RNF152: variants seen among roughly 807,000 people sequenced by gnomAD.
The protein encoded by RNF152 is E3 ubiquitin-protein ligase RNF152.
RNF152 carries 11 observed loss-of-function variants against 12.7 expected under a neutral mutation model. The ratio of observed to expected loss-of-function variants is 0.86; its 90% CI spans 0.54 to 1.43. The LOEUF (loss-of-function observed/expected upper bound fraction) is 1.43. Among genes scored for constraint, RNF152 ranks in the 40% most tolerant of loss-of-function variants. RNF152 has a pLI of 0.00. For synonymous variants in RNF152, 113 were observed against 120.3 expected (o/e 0.94, Z 0.40); for missense variants, 255 against 274.8 (o/e 0.93, Z 0.51).
chr18:61,854,432 C>T (rs1911126574), intron 1 of RNF152, among the ~76,000 whole-genome samples: 2 of 152,148 alleles, frequency 1.3e-5, no homozygotes, highest in South Asian at 4.1e-4. Context: ...TTAAAGGAAA[C>T]GCACAATAGG....
At chr18:61,855,172 AAG>A (rs1028619958) in intron 1 of RNF152, among the ~76,000 whole-genome samples, 12 of 152,388 alleles carry the variant, frequency 7.9e-5, no homozygotes, top group African/African-American at 2.6e-4. Context: ...GTATCTAAGA[AAG>A]AGTCAATTGT....
intron 1 of RNF152, among the ~76,000 whole-genome samples, chr18:61,847,452 C>G (rs757076949): frequency 2.0e-5 from 3 of 152,174 alleles, no homozygotes; most frequent in Non-Finnish European, 2.9e-5. Context: ...GAAAAAATTC[C>G]CGCAAGTGTC....
At position 61,814,415 on chromosome 18, in the gene RNF152, A is replaced by G. The variant is rs1908964515; in HGVS notation, c.*1437T>C. ...TACCACTTGCTTCATGAATTCCATA[A>G]AAGAAGTTAGATGAGAGCTGTAAAG... On this transcript the variant is annotated 3_prime_UTR_variant, in exon 2 of 2. Coordinates refer to ENST00000312828, the MANE Select transcript of RNF152 (RefSeq NM_173557.3). 1.3e-5 allele frequency: 2 copies of G among 152,232 alleles called. No individual in the cohort carries two copies. The highest frequency in any genetic ancestry group is 2.9e-5 in the Non-Finnish European group (2 of 68,044). 9.4% of individuals were successfully genotyped at this position (152,232 alleles called of 1,614,324 possible).
rs765130582 is a variant in RNF152, at chr18:61,813,996, C to T, written c.*1856G>A. On this transcript the variant is annotated 3_prime_UTR_variant, in exon 2 of 2. Coordinates refer to ENST00000312828, the MANE Select transcript of RNF152 (RefSeq NM_173557.3). ...TTGTTGTATAATGCCCAAGAGCTTA[C>T]ACAATAAAATGGCATTTTAACCTAA... is the stretch of plus-strand genomic sequence containing the variant. 1 of 152,164 alleles carries T rather than the reference C, an allele frequency of 6.6e-6. No homozygotes were observed. The highest frequency in any genetic ancestry group is 2.4e-5 in the African/African-American group (1 of 41,446). 9.4% of individuals were successfully genotyped at this position (152,164 alleles called of 1,614,324 possible).
intron 1 of RNF152, among the ~76,000 whole-genome samples, chr18:61,853,428 T>C (rs368767989): frequency 3.3e-5 from 5 of 151,510 alleles, no homozygotes; most frequent in African/African-American, 1.2e-4. Context: ...TAGCTGAGAC[T>C]ACAGGCACAT....
At chr18:61,853,423 G>A (rs759408443) in intron 1 of RNF152, among the ~76,000 whole-genome samples, 14 of 151,502 alleles carry the variant, frequency 9.2e-5, no homozygotes, top group African/African-American at 1.2e-4. Context: ...CTGAGTAGCT[G>A]AGACTACAGG....
At chr18:61,833,550 C>A (rs1236566127) in intron 1 of RNF152, among the ~76,000 whole-genome samples, 1 of 152,158 alleles carries the variant, frequency 6.6e-6, no homozygotes, top group Non-Finnish European at 1.5e-5. Context: ...AACCACAGAA[C>A]CACAGACACA....
At chr18:61,892,020 A>C (rs1443642574) in intron 1 of RNF152, among the ~76,000 whole-genome samples, 1 of 152,240 alleles carries the variant, frequency 6.6e-6, no homozygotes, top group African/African-American at 2.4e-5. Context: ...CTAAGTCTGA[A>C]GGTTACGTTT....
intron 1 of RNF152, among the ~76,000 whole-genome samples, chr18:61,889,114 A>G (rs1011962552): frequency 6.6e-5 from 10 of 152,112 alleles, no homozygotes; most frequent in African/African-American, 2.4e-4. Context: ...GCTGGTCTCC[A>G]AGCTGCTCAT....
rs548473796 is a variant in RNF152, at chr18:61,862,032, C to T, written c.-136+30763G>A. ...TTAAATTGGAAAAATGAATACAACT[C>T]CCTGAGGCCCTCAGAAGAACCTTCC... is the stretch of plus-strand genomic sequence containing the variant. On this transcript the variant is annotated intron_variant, in intron 1 of 1. Coordinates refer to ENST00000312828, the MANE Select transcript of RNF152 (RefSeq NM_173557.3). 5.3e-5 allele frequency among the ~76,000 whole-genome samples: 8 copies of T among 152,258 alleles called. No homozygotes were observed. The South Asian group carries it at 8.3e-4, about 16-fold the overall frequency.
chr18:61,843,558 C>T (rs182659222), intron 1 of RNF152, among the ~76,000 whole-genome samples: 4 of 152,186 alleles, frequency 2.6e-5, no homozygotes, highest in Admixed American at 2.0e-4. Context: ...ACCCAAATGC[C>T]CACAGACAGA....
At chr18:61,887,931 C>A (rs1912772989) in intron 1 of RNF152, 1 of 152,164 alleles carries the variant, frequency 6.6e-6, no homozygotes, top group Non-Finnish European at 1.5e-5. Context: ...GCACAGAACA[C>A]AGCATTTGGA....
At chr18:61,821,913 T>G (rs1418488394) in intron 1 of RNF152, among the ~76,000 whole-genome samples, 1 of 152,160 alleles carries the variant, frequency 6.6e-6, no homozygotes, top group East Asian at 1.9e-4. Flanking sequence ...TCCCTACCCA[T>G]CCGTCCTGTG....
At chr18:61,886,843 A>AGAAT (rs1368367367) in intron 1 of RNF152, among the ~76,000 whole-genome samples, 2 of 152,282 alleles carry the variant, frequency 1.3e-5, no homozygotes, top group Admixed American at 6.5e-5. Flanking sequence ...TGGCCTTTGT[A>AGAAT]GAATGAATGA....
At chr18:61,849,163 G>A (rs1464575533) in intron 1 of RNF152, among the ~76,000 whole-genome samples, 2 of 152,148 alleles carry the variant, frequency 1.3e-5, no homozygotes, top group Non-Finnish European at 2.9e-5. Context: ...GAGAAACAGG[G>A]GAGTACTGCC....
chr18:61,821,283 T>C (rs1909393992), intron 1 of RNF152, among the ~76,000 whole-genome samples: 1 of 152,226 alleles, frequency 6.6e-6, no homozygotes, highest in Admixed American at 6.5e-5. Context: ...CCTATTCCAT[T>C]TCCAACTCTA....
At chr18:61,838,128 C>T (rs1300694024) in intron 1 of RNF152, among the ~76,000 whole-genome samples, 2 of 152,174 alleles carry the variant, frequency 1.3e-5, no homozygotes, top group Non-Finnish European at 2.9e-5. Context: ...AAACAATTCC[C>T]AAGCTGCATT....
In RNF152 at chr18:61,814,096, A is replaced by G. The variant is rs1908949033; in HGVS notation, c.*1756T>C. On this transcript the variant is annotated 3_prime_UTR_variant, in exon 2 of 2. Coordinates refer to ENST00000312828, the MANE Select transcript of RNF152 (RefSeq NM_173557.3). ...TTGAAAAATCAGAGCTCACAATTTT[A>G]TGTTGAATTCTCATGCCAATTAGCA... 1 of 152,208 alleles carries G rather than the reference A, an allele frequency of 6.6e-6. No homozygotes were observed. Among genetic ancestry groups the G allele is most frequent in the Non-Finnish European group, 1.5e-5 (1 of 68,026 alleles). 9.4% of individuals were successfully genotyped at this position (152,208 alleles called of 1,614,324 possible). A position where few individuals can be genotyped will look rare whatever the true frequency, so the allele number is the denominator to read the frequency against.
rs78230985 is a variant in RNF152 at position 61,836,123 on chromosome 18, G to T, written c.-135-19525C>A. 9.8e-3 allele frequency among the ~76,000 whole-genome samples: 1,496 copies of T among 152,252 alleles called. 27 individuals carry two copies. Among genetic ancestry groups the T allele is most frequent in the African/African-American group, 0.034 (1,418 of 41,536 alleles). The stretch of plus-strand genomic sequence containing the variant: ...TTAGTTCCTAGATCTTGGTATCTAA[G>T]TAGCATTTCTCACTAAAAAGAAGCT... On this transcript the variant is annotated intron_variant, in intron 1 of 1. Coordinates refer to ENST00000312828, the MANE Select transcript of RNF152 (RefSeq NM_173557.3).
Sources: gnomAD v4.1 joint callset for allele counts (sites outside exome capture counted in the v4.1 genomes callset) on GRCh38, gnomAD v4.1.1 for gene constraint, MANE v1.5 for transcripts, NCBI Gene and HGNC (gene_info 2026-07-23, HGNC 2026-07-21) for gene names.